The following GXYLT2 variants were observed in gnomAD, a reference collection of about 807,000 sequenced individuals.
GXYLT2 encodes the protein glycosyltransferase 8 domain containing 4.
In GXYLT2, 53 loss-of-function variants were observed where a neutral mutation model predicts 45.8. The observed-to-expected ratio is 1.16, with a 90% CI of 0.93 to 1.46. GXYLT2 has a LOEUF of 1.46. Among genes scored for constraint, GXYLT2 ranks in the 40% most tolerant of loss-of-function variants. GXYLT2 has a pLI of 0.00. For synonymous variants in GXYLT2, 219 were observed against 214.2 expected, an observed-to-expected ratio of 1.02 and a Z score of -0.19; for missense variants, 551 against 544.4, an observed-to-expected ratio of 1.01 and a Z score of -0.12.
At position 72,889,955 on chromosome 3, in the gene GXYLT2, G is replaced by T. The variant is rs538702232; in HGVS notation, c.275+1447G>T. On this transcript the variant is annotated intron_variant, in intron 1 of 6. Transcript: ENST00000389617. ...AAGTCTTCCTCTGTCGCCCAGGCTG[G>T]AGTGCCGTGCTGCGATCTCTGCTCA... 6.7e-4 allele frequency among the ~76,000 whole-genome samples: 99 copies of T among 148,162 alleles called. 2 individuals are homozygous for T. The East Asian group carries it at 0.015, about 23-fold the overall frequency.
intron 3 of GXYLT2, among the ~76,000 whole-genome samples, chr3:72,932,176 C>A (rs1486859052): frequency 6.6e-6 from 1 of 151,918 alleles, no homozygotes; most frequent in African/African-American, 2.4e-5. Context: ...CCTCAGCCTC[C>A]CCAGTAGCTG....
intron 3 of GXYLT2, among the ~76,000 whole-genome samples, chr3:72,933,052 C>T (rs1386132645): frequency 6.6e-6 from 1 of 152,162 alleles, no homozygotes; most frequent in African/African-American, 2.4e-5. Flanking sequence ...TTAGTGAATA[C>T]ATTTAACACC....
At position 72,888,487 on chromosome 3, in the gene GXYLT2, C is replaced by A; in HGVS notation, c.254C>A (p.Ala85Glu). 1.6e-6 allele frequency: 2 copies of A among 1,252,106 alleles called. No homozygotes were observed. The highest frequency in any genetic ancestry group is 4.9e-5 in the South Asian group (2 of 41,134). 77.6% of individuals were successfully genotyped at this position (1,252,106 alleles called of 1,614,324 possible). A position where few individuals can be genotyped will look rare whatever the true frequency, so the allele number is the denominator to read the frequency against. The change falls in exon 1 of 7, where the codon GCG becomes GAG. Residue 85 changes from alanine to glutamate, a missense_variant. Physicochemically the swap from Ala to Glu is moderately radical, Grantham distance 107 (BLOSUM62 -1). Transcript: ENST00000389617. ...PRPRAGRRGAARLEKLARRPG... is the reference protein window; with the variant it reads ...PRPRAGRRGAERLEKLARRPG... Reference sequence around the variant, plus strand: ...CCCCGAGCGGGCCGCCGGGGCGCTGCGAGACTGGAGAAGTTGGCGAGGTGA... The same window carrying A: ...CCCCGAGCGGGCCGCCGGGGCGCTGAGAGACTGGAGAAGTTGGCGAGGTGA...
chr3:72,965,130 A>G (rs1710839484), intron 5 of GXYLT2, among the ~76,000 whole-genome samples: 1 of 152,210 alleles, frequency 6.6e-6, no homozygotes, highest in Admixed American at 6.6e-5. Context: ...AAGTAAGGGA[A>G]TGTCATGGTG....
intron 1 of GXYLT2, among the ~76,000 whole-genome samples, chr3:72,889,896 G>GTTTTTTTTTTTTTTT (rs369830925): frequency 7.4e-6 from 1 of 135,536 alleles, no homozygotes; most frequent in African/African-American, 2.9e-5. Context: ...TTTTCTTTTG[G>GTTTTTTTTTTTTTTT]TTTTTTTTTT....
In GXYLT2 at chr3:72,896,380, C is replaced by A. The variant is rs114937476; in HGVS notation, c.275+7872C>A. On this transcript the variant is annotated intron_variant, in intron 1 of 6. Transcript: ENST00000389617. ...GGTTGAGCCCAGGAGTTAGAGACCA[C>A]CCTAGGCAATATAGTGAGACACCCA... 5.7e-3 allele frequency among the ~76,000 whole-genome samples: 865 copies of A among 150,930 alleles called. 12 individuals are homozygous for A. Among genetic ancestry groups the A allele is most frequent in the African/African-American group, 0.02 (823 of 41,090 alleles).
chr3:72,938,106 TA>T (rs530601297), intron 3 of GXYLT2, among the ~76,000 whole-genome samples: 5 of 151,916 alleles, frequency 3.3e-5, no homozygotes. Context: ...AATTTAATTT[TA>T]AAAAAAGAAA....
rs1321289652 is a variant in GXYLT2 at position 72,929,028 on chromosome 3, C to G, written c.600+6693C>G. The stretch of plus-strand genomic sequence containing the variant: ...GCGCCGCGCAGCCACCGCCGCCTCT[C>G]CTTAGCCGCCGCCGTGACGACCGCG... On this transcript the variant is annotated intron_variant, in intron 3 of 6. Transcript: ENST00000389617. The G allele has an allele frequency of 8.8e-6, 13 of 1,482,808 alleles. 1 individual carries two copies. The South Asian group carries it at 1.0e-4, about 12-fold the overall frequency. 91.9% of individuals were successfully genotyped at this position (1,482,808 alleles called of 1,614,324 possible).
At chr3:72,929,799 T>C (rs909403848) in intron 3 of GXYLT2, among the ~76,000 whole-genome samples, 8 of 152,036 alleles carry the variant, frequency 5.3e-5, no homozygotes, top group Non-Finnish European at 2.9e-5. Context: ...AAACAAATAG[T>C]AAAATGGCAG....
chr3:72,947,268 C>T (rs1040485991), intron 3 of GXYLT2, among the ~76,000 whole-genome samples: 7 of 152,020 alleles, frequency 4.6e-5, no homozygotes, highest in African/African-American at 4.8e-5. Flanking sequence ...TGGCTGTAGA[C>T]GGGGAGAGAA....
At chr3:72,948,705 T>C in intron 3 of GXYLT2, among the ~76,000 whole-genome samples, 1 of 151,520 alleles carries the variant, frequency 6.6e-6, no homozygotes, top group Non-Finnish European at 1.5e-5. Flanking sequence ...GGCGTGGTGG[T>C]GGGCGCCTGT....
At chr3:72,960,978 C>G (rs1559750598) in intron 5 of GXYLT2, among the ~76,000 whole-genome samples, 1 of 152,306 alleles carries the variant, frequency 6.6e-6, no homozygotes, top group East Asian at 1.9e-4. Context: ...TGTCTTGTAT[C>G]TGATAACACC....
chr3:72,935,443 G>A (rs1173531984), intron 3 of GXYLT2, among the ~76,000 whole-genome samples: 1 of 152,154 alleles, frequency 6.6e-6, no homozygotes, highest in Non-Finnish European at 1.5e-5. Context: ...GGAATCAACC[G>A]TGAAATTAAT....
At chr3:72,974,715 T>C (rs955178627) in intron 6 of GXYLT2, among the ~76,000 whole-genome samples, 3 of 152,196 alleles carry the variant, frequency 2.0e-5, no homozygotes, top group African/African-American at 7.2e-5. Flanking sequence ...CTCAAAGTGC[T>C]GGGGTTACAG....
chr3:72,903,293 G>A (rs1709442048), intron 1 of GXYLT2, among the ~76,000 whole-genome samples: 1 of 152,146 alleles, frequency 6.6e-6, no homozygotes, highest in Non-Finnish European at 1.5e-5. Context: ...GGTAGTGTTT[G>A]TTACGCTTTT....
intron 3 of GXYLT2, among the ~76,000 whole-genome samples, chr3:72,943,899 G>A (rs140579884): frequency 5.7e-4 from 86 of 151,550 alleles, no homozygotes; most frequent in African/African-American, 2.0e-3. Flanking sequence ...GCCCAGGCTA[G>A]TCTCAAACTC....
intron 5 of GXYLT2, among the ~76,000 whole-genome samples, chr3:72,966,214 A>T (rs984068916): frequency 6.6e-6 from 1 of 151,324 alleles, no homozygotes; most frequent in African/African-American, 2.4e-5. Context: ...CCTGACCTCA[A>T]GTTATCCACC....
chr3:72,894,187 C>T (rs1709237067), intron 1 of GXYLT2, among the ~76,000 whole-genome samples: 1 of 152,212 alleles, frequency 6.6e-6, no homozygotes, highest in South Asian at 2.1e-4. Context: ...AAAGAAAATA[C>T]AGGTCCTTGA....
chr3:72,974,825 G>A (rs1204948119), intron 6 of GXYLT2, among the ~76,000 whole-genome samples, 152 bp from the exon 7 acceptor site: 1 of 152,102 alleles, frequency 6.6e-6, no homozygotes, highest in Non-Finnish European at 1.5e-5. Context: ...GCTGAGACAG[G>A]ATTTTAAGTT....
Sources: gnomAD v4.1 joint callset for allele counts (sites outside exome capture counted in the v4.1 genomes callset) on GRCh38, gnomAD v4.1.1 for gene constraint, MANE v1.5 for transcripts, NCBI Gene and HGNC (gene_info 2026-07-23, HGNC 2026-07-21) for gene names.